Variants in ATXN7L1 observed in about 807,000 individuals in gnomAD.
ATXN7L1 encodes the protein ataxin 7 like 1.
Under a neutral mutation model 70.8 loss-of-function variants are expected in ATXN7L1, and 15 were observed. The observed-to-expected ratio is 0.21, with a 90% CI of 0.14 to 0.33. The LOEUF is 0.33. Ranked by LOEUF, ATXN7L1 falls within the 10% of genes least tolerant of loss-of-function variation. ATXN7L1 has a pLI of 1.00. For missense variants in ATXN7L1, 975 were observed against 1,097.1 expected (o/e 0.89, Z 1.57); for synonymous variants, 440 against 445.1 (o/e 0.99, Z 0.14).
chr7:105,851,905 T>G (rs1450893828), intron 2 of ATXN7L1, among the ~76,000 whole-genome samples: 1 of 152,198 alleles, frequency 6.6e-6, no homozygotes, highest in Non-Finnish European at 1.5e-5. Context: ...CACCCTCTAT[T>G]CTGTGTCTGT....
chr7:105,779,236 A>G (rs1366937849), intron 3 of ATXN7L1, among the ~76,000 whole-genome samples: 1 of 152,236 alleles, frequency 6.6e-6, no homozygotes, highest in Admixed American at 6.5e-5. Context: ...TGAGATAAAG[A>G]TAACACGACC....
At chr7:105,713,177 A>C (rs1794133408) in intron 3 of ATXN7L1, among the ~76,000 whole-genome samples, 1 of 152,204 alleles carries the variant, frequency 6.6e-6, no homozygotes, top group Non-Finnish European at 1.5e-5. Context: ...CGAGAATAGC[A>C]AGGGGGAAAT....
At chr7:105,685,069 AT>A in intron 3 of ATXN7L1, among the ~76,000 whole-genome samples, 1 of 149,502 alleles carries the variant, frequency 6.7e-6, no homozygotes, top group South Asian at 2.1e-4. Flanking sequence ...AATAATAATA[AT>A]AATAATAATA....
At chr7:105,692,361 ATTTC>A (rs1288110440) in intron 3 of ATXN7L1, among the ~76,000 whole-genome samples, 22 of 122,130 alleles carry the variant, frequency 1.8e-4, no homozygotes, top group African/African-American at 4.4e-4. Context: ...TGCTGGATGA[ATTTC>A]TTTCTTTCCT....
rs938823385 is a variant in ATXN7L1, at chr7:105,664,516, A to G, written c.578+550T>C. On this transcript the variant is annotated intron_variant, in intron 4 of 11. Coordinates refer to ENST00000419735, the MANE Select transcript of ATXN7L1 (RefSeq NM_020725.2). ...TATGTATAATATATGTATAATATATATATACATATGTATAATATATATATG... is the reference window on the plus strand; with the variant it reads ...TATGTATAATATATGTATAATATATGTATACATATGTATAATATATATATG... Among the ~76,000 whole-genome samples the G allele has an allele frequency of 8.3e-5, 12 of 144,704 alleles. No homozygotes were observed. The South Asian group carries it at 1.5e-3, about 18-fold the overall frequency. The allele number at this position is 144,704 out of a possible 152,430, so 94.9% of individuals were successfully genotyped here. A position where few individuals can be genotyped will look rare whatever the true frequency, so the allele number is the denominator to read the frequency against.
intron 3 of ATXN7L1, among the ~76,000 whole-genome samples, chr7:105,676,848 A>G (rs1052876827): frequency 1.3e-5 from 2 of 152,146 alleles, no homozygotes; most frequent in Non-Finnish European, 2.9e-5. Context: ...TCAAAAAAAC[A>G]AAACAAAACA....
At chr7:105,677,775 T>C (rs1225822502) in intron 3 of ATXN7L1, among the ~76,000 whole-genome samples, 1 of 152,190 alleles carries the variant, frequency 6.6e-6, no homozygotes, top group Admixed American at 6.5e-5. Context: ...ACAAGAATCC[T>C]ATGGGAGCAC....
At chr7:105,811,593 C>T (rs1278827434) in intron 2 of ATXN7L1, among the ~76,000 whole-genome samples, 3 of 152,164 alleles carry the variant, frequency 2.0e-5, no homozygotes, top group Non-Finnish European at 4.4e-5. Flanking sequence ...AAAGCCCAGG[C>T]TGCTGACAGG....
At chr7:105,679,246 T>C in intron 3 of ATXN7L1, 2 of 740,072 alleles carry the variant, frequency 2.7e-6, no homozygotes, top group Non-Finnish European at 1.6e-6. Context: ...ACAGTCAGGG[T>C]TGTATCCTGA....
At chr7:105,695,527 C>T (rs1791594790) in intron 3 of ATXN7L1, among the ~76,000 whole-genome samples, 3 of 152,148 alleles carry the variant, frequency 2.0e-5, no homozygotes, top group South Asian at 4.1e-4. Flanking sequence ...ACCTAAATGC[C>T]AACCCCTGGT....
chr7:105,800,586 C>T (rs1001178871), intron 2 of ATXN7L1, among the ~76,000 whole-genome samples: 4 of 152,178 alleles, frequency 2.6e-5, no homozygotes, highest in African/African-American at 7.2e-5. Flanking sequence ...CTGCCAGAAA[C>T]GTACTCAAAT....
rs747110733 is a variant in ATXN7L1, at chr7:105,876,491, T to C, written c.68A>G (p.Gln23Arg). The C allele has an allele frequency of 1.9e-6, 3 of 1,613,414 alleles. No homozygotes were observed. Among genetic ancestry groups the C allele is most frequent in the Non-Finnish European group, 2.5e-6 (3 of 1,179,542 alleles). ...AAAAEGTGKK[Q>R]QEGRAMATLD... ...TGTCGCCATTGCTCTTCCTTCTTGTTGCTTTTTCCCTGTTCCTTCGGCAGC... is the reference window on the plus strand; with the variant it reads ...TGTCGCCATTGCTCTTCCTTCTTGTCGCTTTTTCCCTGTTCCTTCGGCAGC... Residue 23 changes from glutamine (Q) to arginine (R), a missense_variant, in exon 1 of 12, where the codon CAA (glutamine) becomes CGA (arginine). Transcript: ENST00000419735.
At chr7:105,739,627 G>A (rs1464601292) in intron 3 of ATXN7L1, among the ~76,000 whole-genome samples, 1 of 152,154 alleles carries the variant, frequency 6.6e-6, no homozygotes, top group Non-Finnish European at 1.5e-5. Context: ...TGTGACCTTG[G>A]GCATGTCATT....
At chr7:105,628,127 G>A (rs1796017155) in intron 7 of ATXN7L1, among the ~76,000 whole-genome samples, 1 of 152,122 alleles carries the variant, frequency 6.6e-6, no homozygotes, top group Non-Finnish European at 1.5e-5. Context: ...ACAGGTGTGA[G>A]CCACTGTGCC....
intron 9 of ATXN7L1, among the ~76,000 whole-genome samples, chr7:105,618,785 GA>G (rs1794305039): frequency 2.0e-5 from 3 of 152,140 alleles, no homozygotes; most frequent in African/African-American, 7.2e-5. Flanking sequence ...GGGGGATGGG[GA>G]TACCCAGTGG....
intron 3 of ATXN7L1, among the ~76,000 whole-genome samples, chr7:105,773,582 A>G (rs1802310705): frequency 6.6e-6 from 1 of 152,162 alleles, no homozygotes; most frequent in African/African-American, 2.4e-5. Flanking sequence ...AAGGAGTGGG[A>G]AAGGCTAAAC....
intron 4 of ATXN7L1, among the ~76,000 whole-genome samples, chr7:105,653,820 G>A (rs974608061): frequency 2.6e-5 from 4 of 152,016 alleles, no homozygotes; most frequent in Non-Finnish European, 5.9e-5. Context: ...CAGTGCTCCG[G>A]CCTGGCTCTG....
intron 9 of ATXN7L1, among the ~76,000 whole-genome samples, chr7:105,619,533 T>C (rs1299288587): frequency 2.6e-4 from 1 of 3,918 alleles, no homozygotes; most frequent in Non-Finnish European, 5.8e-4. Context: ...TATATATATT[T>C]TTTTTTTTTT....
intron 2 of ATXN7L1, among the ~76,000 whole-genome samples, chr7:105,828,101 CA>C (rs148616445): frequency 6.6e-6 from 1 of 151,228 alleles, no homozygotes; most frequent in African/African-American, 2.4e-5. Flanking sequence ...AACCAAGGCA[CA>C]AAAAAAAATT....
Sources: gnomAD v4.1 joint callset for allele counts (sites outside exome capture counted in the v4.1 genomes callset) on GRCh38, gnomAD v4.1.1 for gene constraint, MANE v1.5 for transcripts, NCBI Gene and HGNC (gene_info 2026-07-23, HGNC 2026-07-21) for gene names.